Variants in BRCA1 observed in about 807,000 individuals in gnomAD.
The protein encoded by BRCA1 is breast cancer type 1 susceptibility protein.
In BRCA1, 140 loss-of-function variants were observed where a neutral mutation model predicts 173.7. The ratio of observed to expected loss-of-function variants is 0.81; its 90% CI spans 0.70 to 0.93. The LOEUF (loss-of-function observed/expected upper bound fraction) is 0.93, where lower values mean the gene tolerates loss of function less well. Among genes scored for constraint, BRCA1 ranks in the 40% least tolerant of loss-of-function variants. The pLI, the probability that BRCA1 is intolerant of heterozygous loss-of-function variation, is 0.00. For missense variants in BRCA1, 1,983 were observed against 2,172.5 expected, an observed-to-expected ratio of 0.91 and a Z score of 1.73; for synonymous variants, 662 against 756.0, an observed-to-expected ratio of 0.88 and a Z score of 2.04.
intron 19 of BRCA1, among the ~76,000 whole-genome samples, 199 bp from the exon 20 acceptor site, chr17:43,051,316 A>C (rs552000394): frequency 6.6e-6 from 1 of 152,320 alleles, no homozygotes; most frequent in African/African-American, 2.4e-5. Context: ...ACTGGATTTC[A>C]GAAGATCTTC....
chr17:43,139,908 G>A (rs189972074), intron 1 of BRCA1: 228 of 480,910 alleles, frequency 4.7e-4, no homozygotes, highest in Non-Finnish European at 7.8e-5. Context: ...TTGTTCTAAC[G>A]TTTGGTCCTT....
At chr17:43,062,279 G>A (rs2051798213) in intron 18 of BRCA1, among the ~76,000 whole-genome samples, 1 of 152,000 alleles carries the variant, frequency 6.6e-6, no homozygotes, top group Non-Finnish European at 1.5e-5. Context: ...AAATTTTGTG[G>A]AGACAGAGTC....
At chr17:43,132,401 A>G (rs1340700728) in intron 1 of BRCA1, among the ~76,000 whole-genome samples, 1 of 152,098 alleles carries the variant, frequency 6.6e-6, no homozygotes, top group African/African-American at 2.4e-5. Context: ...AGCAAATAAT[A>G]TGGGATAGAG....
intron 22 of BRCA1, 87 bp from the exon 23 acceptor site, chr17:43,045,889 T>C (rs2152633886): frequency 6.4e-7 from 1 of 1,571,574 alleles, no homozygotes; most frequent in Non-Finnish European, 8.7e-7. Context: ...GTCCTGGTTG[T>C]ATGAGTTCTT....
At chr17:43,074,578 A>T in intron 13 of BRCA1, 57 bp from the exon 14 acceptor site, 1 of 1,510,946 alleles carries the variant, frequency 6.6e-7, no homozygotes, top group Non-Finnish European at 9.1e-7. Flanking sequence ...AGGACAAATC[A>T]TACTTGCTGG....
At chr17:43,122,748 C>T (rs1567822210) in intron 2 of BRCA1, among the ~76,000 whole-genome samples, 1 of 151,750 alleles carries the variant, frequency 6.6e-6, no homozygotes, top group Admixed American at 6.6e-5. Flanking sequence ...ATCTCTACAA[C>T]AGAAAAATAC....
In BRCA1 at chr17:43,104,791, T is replaced by C. The variant is rs952681439; in HGVS notation, c.301+77A>G. The C allele has an allele frequency of 3.1e-6, 4 of 1,295,096 alleles. No individual in the cohort carries two copies. The South Asian group carries it at 3.6e-5, about 12-fold the overall frequency. 80.2% of individuals were successfully genotyped at this position (1,295,096 alleles called of 1,614,324 possible). ...ACTAAAAGGTCTTATCACCACGTCA[T>C]AGAAAGTAATTGTGCAAACTTCCTG... On this transcript the variant is annotated intron_variant, in intron 5 of 22. Transcript: ENST00000357654.
intron 12 of BRCA1, among the ~76,000 whole-genome samples, chr17:43,082,155 G>A (rs1171432855): frequency 6.6e-6 from 1 of 152,166 alleles, no homozygotes; most frequent in African/African-American, 2.4e-5. Flanking sequence ...TGTATACCAT[G>A]TATCTTCCAT....
intron 6 of BRCA1, among the ~76,000 whole-genome samples, chr17:43,103,829 G>A (rs1047794879): frequency 5.9e-5 from 9 of 151,934 alleles, no homozygotes; most frequent in South Asian, 2.1e-4. Context: ...TTTACCGGCC[G>A]GGCACAGTGG....
intron 1 of BRCA1, among the ~76,000 whole-genome samples, chr17:43,135,594 A>C (rs1394860708): frequency 6.6e-6 from 1 of 152,178 alleles, no homozygotes; most frequent in African/African-American, 2.4e-5. Flanking sequence ...CATGGTTCGC[A>C]GGTCGCGGTC....
intron 3 of BRCA1, among the ~76,000 whole-genome samples, chr17:43,110,827 G>A (rs1282029562): frequency 2.0e-5 from 3 of 152,046 alleles, no homozygotes; most frequent in African/African-American, 7.2e-5. Flanking sequence ...AAGGCTGGGC[G>A]TGGTGGCTAA....
intron 1 of BRCA1, chr17:43,159,939 A>C (rs2056224696): frequency 6.6e-6 from 1 of 152,354 alleles, no homozygotes; most frequent in African/African-American, 2.4e-5. Context: ...AGACTTGCTA[A>C]AGGCTTTGAT....
At chr17:43,079,200 A>C in intron 12 of BRCA1, 2 of 740,574 alleles carry the variant, frequency 2.7e-6, no homozygotes, top group Non-Finnish European at 2.3e-6. Context: ...AAAACAAAAC[A>C]AAAAAAATGA....
intron 15 of BRCA1, among the ~76,000 whole-genome samples, chr17:43,068,581 A>G (rs1433162108): frequency 3.3e-5 from 5 of 151,784 alleles, no homozygotes; most frequent in African/African-American, 1.2e-4. Flanking sequence ...AAAAGAAAAA[A>G]TATATATTAA....
At chr17:43,054,835 TG>T (rs1037337099) in intron 19 of BRCA1, among the ~76,000 whole-genome samples, 4 of 151,498 alleles carry the variant, frequency 2.6e-5, no homozygotes, top group Non-Finnish European at 4.4e-5. Flanking sequence ...CTCCGCCTCC[TG>T]GGTTCAACCG....
chr17:43,151,753 G>A (rs538946278), intron 1 of BRCA1, among the ~76,000 whole-genome samples: 27 of 152,262 alleles, frequency 1.8e-4, no homozygotes, highest in Admixed American at 5.9e-4. Flanking sequence ...AAACTTAGCC[G>A]CACATGGTGG....
chr17:43,143,544 T>C (rs928751725), intron 1 of BRCA1, among the ~76,000 whole-genome samples: 1 of 152,214 alleles, frequency 6.6e-6, no homozygotes, highest in Non-Finnish European at 1.5e-5. Flanking sequence ...CGTTCATTTG[T>C]GTTCAGTTAG....
chr17:43,106,404 C>T (rs2154554469), intron 4 of BRCA1, 52 bp downstream of exon 4: 1 of 1,225,782 alleles, frequency 8.2e-7, no homozygotes, highest in Non-Finnish European at 1.2e-6. Context: ...ATAATTTCTA[C>T]TTTTTCCTAC....
At chr17:43,166,490 A>G (rs2056269383) in intron 1 of BRCA1, 1 of 152,134 alleles carries the variant, frequency 6.6e-6, no homozygotes. Context: ...AGTCTATCTT[A>G]CACAAAGTTT....
Sources: gnomAD v4.1 joint callset for allele counts (sites outside exome capture counted in the v4.1 genomes callset) on GRCh38, gnomAD v4.1.1 for gene constraint, MANE v1.5 for transcripts, NCBI Gene and HGNC (gene_info 2026-07-23, HGNC 2026-07-21) for gene names.